The following SMARCAL1 variants were observed in gnomAD, a reference collection of about 807,000 sequenced individuals.
SMARCAL1 encodes the protein ATP-driven annealing helicase.
In SMARCAL1, 58 loss-of-function variants were observed where a neutral mutation model predicts 94.5. That is an observed-to-expected ratio of 0.61 (90% confidence interval 0.50 to 0.76). The LOEUF (loss-of-function observed/expected upper bound fraction) is 0.76, where lower values mean the gene tolerates loss of function less well. SMARCAL1 is among the 30% of genes least tolerant of loss of function. The pLI is 0.00. For synonymous variants in SMARCAL1, 422 were observed against 455.1 expected (o/e 0.93, Z 0.93); for missense variants, 1,051 against 1,177.9 (o/e 0.89, Z 1.58).
intron 12 of SMARCAL1, 22 bp downstream of exon 12, chr2:216,451,086 G>C: frequency 1.3e-6 from 2 of 1,593,830 alleles, no homozygotes; most frequent in Non-Finnish European, 1.7e-6. Flanking sequence ...GCTGGAGACA[G>C]ATTTGGAAGC....
intron 7 of SMARCAL1, among the ~76,000 whole-genome samples, chr2:216,429,681 C>G (rs1693920192): frequency 6.6e-6 from 1 of 151,808 alleles, no homozygotes; most frequent in African/African-American, 2.4e-5. Flanking sequence ...CCACAACAGC[C>G]TGCCTGCTCG....
intron 8 of SMARCAL1, among the ~76,000 whole-genome samples, chr2:216,433,445 G>A (rs972404468): frequency 6.6e-6 from 1 of 152,136 alleles, no homozygotes; most frequent in Admixed American, 6.5e-5. Flanking sequence ...GTCCTGTGCA[G>A]TAGGTACAAT....
At chr2:216,453,552 A>G (rs962680954) in intron 12 of SMARCAL1, among the ~76,000 whole-genome samples, 1 of 152,240 alleles carries the variant, frequency 6.6e-6, no homozygotes, top group African/African-American at 2.4e-5. Context: ...GGGAGCCAGC[A>G]TCAGCTGGAG....
At chr2:216,425,193 A>T (rs1693805034) in intron 6 of SMARCAL1, among the ~76,000 whole-genome samples, 2 of 152,228 alleles carry the variant, frequency 1.3e-5, no homozygotes, top group African/African-American at 2.4e-5. Flanking sequence ...GGCATGGAGC[A>T]GCAGAGGGTT....
At chr2:216,427,740 G>T (rs2106028176) in intron 6 of SMARCAL1, among the ~76,000 whole-genome samples, 1 of 152,294 alleles carries the variant, frequency 6.6e-6, no homozygotes, top group East Asian at 1.9e-4. Context: ...AGCAATTGGA[G>T]GTAGCAGTAG....
chr2:216,429,412 A>G (rs1693912628), intron 7 of SMARCAL1, among the ~76,000 whole-genome samples: 1 of 152,170 alleles, frequency 6.6e-6, no homozygotes, highest in Non-Finnish European at 1.5e-5. Context: ...AGTTCTCCAA[A>G]AGAAAGTCAA....
At chr2:216,453,655 A>G (rs77182436) in intron 12 of SMARCAL1, among the ~76,000 whole-genome samples, 1,724 of 152,172 alleles carry the variant, frequency 0.011, 51 homozygotes, top group African/African-American at 0.04. Context: ...TATTTTTTTT[A>G]TGGTTTTAGT....
chr2:216,435,593 C>T, intron 9 of SMARCAL1, 97 bp downstream of exon 9: 1 of 1,083,898 alleles, frequency 9.2e-7, no homozygotes, highest in Non-Finnish European at 1.4e-6. Context: ...TCCTTGAGCC[C>T]CATTTAGTTT....
intron 14 of SMARCAL1, among the ~76,000 whole-genome samples, chr2:216,468,960 AC>A: frequency 6.6e-6 from 1 of 152,080 alleles, no homozygotes; most frequent in South Asian, 2.1e-4. Flanking sequence ...TGATCCACCT[AC>A]CTCGGCCTCC....
intron 6 of SMARCAL1, among the ~76,000 whole-genome samples, chr2:216,424,817 T>C (rs1693795829): frequency 1.3e-5 from 2 of 152,220 alleles, no homozygotes; most frequent in African/African-American, 4.8e-5. Flanking sequence ...GGTAACTTAA[T>C]AAATGCTGGC....
At chr2:216,461,055 G>GGTGTGTGTGT (rs71054476) in intron 12 of SMARCAL1, among the ~76,000 whole-genome samples, 47 of 146,334 alleles carry the variant, frequency 3.2e-4, no homozygotes, top group African/African-American at 8.0e-4. Context: ...ACTAGAAAGA[G>GGTGTGTGTGT]GTGTGTGTGT....
chr2:216,416,073 A>C (rs889634585), intron 3 of SMARCAL1, 184 bp from the exon 4 acceptor site: 2 of 595,238 alleles, frequency 3.4e-6, no homozygotes, highest in South Asian at 1.7e-5. Flanking sequence ...ATTCCACTAC[A>C]TGGAATAAAA....
chr2:216,431,147 C>A (rs1693955005), intron 7 of SMARCAL1, among the ~76,000 whole-genome samples: 1 of 152,248 alleles, frequency 6.6e-6, no homozygotes, highest in African/African-American at 2.4e-5. Flanking sequence ...CCACACTCTA[C>A]TGGCTTCGGG....
chr2:216,434,756 G>A (rs1306958008), intron 8 of SMARCAL1, among the ~76,000 whole-genome samples: 1 of 151,992 alleles, frequency 6.6e-6, no homozygotes, highest in Non-Finnish European at 1.5e-5. Context: ...GAGGCGGGAG[G>A]ATCACTTGAG....
Position 216,450,838 on chromosome 2 carries a change from C to T in SMARCAL1, c.1852-8C>T, listed in dbSNP as rs768451831. On this transcript the variant is annotated splice_polypyrimidine_tract_variant and splice_region_variant and intron_variant, in intron 11 of 17. Coordinates refer to ENST00000357276, the MANE Select transcript of SMARCAL1 (RefSeq NM_014140.4). Reference sequence around the variant, plus strand: ...CTCATGGGGCTGTCGCTGTCTTGTTCTCTGCAGATGCCTTGGGGGTGGGAC... The same window carrying T: ...CTCATGGGGCTGTCGCTGTCTTGTTTTCTGCAGATGCCTTGGGGGTGGGAC... 2.5e-6 allele frequency: 4 copies of T among 1,611,526 alleles called. No homozygotes were observed. Among genetic ancestry groups the T allele is most frequent in the Non-Finnish European group, 3.4e-6 (4 of 1,178,192 alleles).
chr2:216,441,801 T>C (rs561337189), intron 10 of SMARCAL1, among the ~76,000 whole-genome samples: 5 of 152,270 alleles, frequency 3.3e-5, no homozygotes, highest in East Asian at 1.9e-4. Flanking sequence ...GGCTTTTTTT[T>C]CCCACATGAC....
In SMARCAL1 at chr2:216,432,886, T is replaced by C; in HGVS notation, c.1485+18T>C. ...GGGAGCAGGTTAATGGTCTTCAAAT[T>C]GCAGTTTTCACAGAGAAGGTTTTCT... On this transcript the variant is annotated intron_variant, in intron 8 of 17. Coordinates refer to ENST00000357276, the MANE Select transcript of SMARCAL1 (RefSeq NM_014140.4). 1 of 1,614,138 alleles carries C rather than the reference T, an allele frequency of 6.2e-7. No homozygotes were observed. Among genetic ancestry groups the C allele is most frequent in the Non-Finnish European group, 8.5e-7 (1 of 1,180,002 alleles).
chr2:216,479,383 C>T (rs1695152546), intron 17 of SMARCAL1: 1 of 150,612 alleles, frequency 6.6e-6, no homozygotes, highest in Non-Finnish European at 1.5e-5. Flanking sequence ...TGTAGTTAGC[C>T]ATGATGGTCA....
intron 14 of SMARCAL1, among the ~76,000 whole-genome samples, chr2:216,473,287 G>A (rs1437889745): frequency 6.6e-6 from 1 of 151,746 alleles, no homozygotes; most frequent in Non-Finnish European, 1.5e-5. Flanking sequence ...AGGACATTCA[G>A]GATGTACTTT....
Sources: gnomAD v4.1 joint callset for allele counts (sites outside exome capture counted in the v4.1 genomes callset) on GRCh38, gnomAD v4.1.1 for gene constraint, MANE v1.5 for transcripts, NCBI Gene and HGNC (gene_info 2026-07-23, HGNC 2026-07-21) for gene names.